The following TENT5D variants were observed in gnomAD, a reference collection of about 807,000 sequenced individuals.
The protein encoded by TENT5D is cancer/testis antigen 112.
For synonymous variants in TENT5D, 103 were observed against 100.6 expected, an observed-to-expected ratio of 1.02 and a Z score of -0.15; for missense variants, 191 against 287.0, an observed-to-expected ratio of 0.67 and a Z score of 2.42.
intron 3 of TENT5D, among the ~76,000 whole-genome samples, chrX:80,367,670 A>G (rs1416615839): frequency 2.7e-5 from 3 of 111,967 alleles, no homozygotes; most frequent in African/African-American, 9.7e-5. Flanking sequence ...CAAAAAAAGA[A>G]TGAGATCCTG....
chrX:80,412,046 A>G (rs949552304), intron 3 of TENT5D, among the ~76,000 whole-genome samples: 3 of 112,519 alleles, frequency 2.7e-5, no homozygotes, highest in Non-Finnish European at 5.6e-5. Context: ...AGGCATTTCC[A>G]TACATCTTCT....
intron 3 of TENT5D, among the ~76,000 whole-genome samples, chrX:80,370,770 A>G (rs745566243): frequency 1.6e-4 from 18 of 111,706 alleles, no homozygotes; most frequent in African/African-American, 5.5e-4. Flanking sequence ...ATTGATAGAC[A>G]TTGGCAATAA....
At chrX:80,407,494 G>C (rs1460053064) in intron 3 of TENT5D, among the ~76,000 whole-genome samples, 1 of 108,125 alleles carries the variant, frequency 9.2e-6, no homozygotes, top group Non-Finnish European at 1.9e-5. Flanking sequence ...AAAATCAAAA[G>C]AGACAAAGAA....
intron 3 of TENT5D, among the ~76,000 whole-genome samples, chrX:80,370,425 T>G (rs1301878670): frequency 8.9e-6 from 1 of 112,167 alleles, no homozygotes; most frequent in Non-Finnish European, 1.9e-5. Context: ...GAAAAAGTCT[T>G]TAAAAATCAC....
At chrX:80,437,510 C>T (rs1408565475) in intron 1 of TENT5D, among the ~76,000 whole-genome samples, 1 of 111,246 alleles carries the variant, frequency 9.0e-6, no homozygotes, top group East Asian at 2.8e-4. Context: ...GGGTATTCTA[C>T]GATCTTATTG....
At chrX:80,432,804 G>A (rs1017051083) in intron 1 of TENT5D, among the ~76,000 whole-genome samples, 7 of 110,857 alleles carry the variant, frequency 6.3e-5, no homozygotes, top group Non-Finnish European at 1.3e-4. Flanking sequence ...GCAGAGAGGG[G>A]TGCCCAAATT....
At chrX:80,406,992 GC>G (rs1931513127) in intron 3 of TENT5D, among the ~76,000 whole-genome samples, 1 of 105,878 alleles carries the variant, frequency 9.4e-6, no homozygotes, top group Non-Finnish European at 1.9e-5. Context: ...TTCATATCCA[GC>G]CAAACTAAGC....
chrX:80,422,604 A>G (rs1158101804), intron 1 of TENT5D, among the ~76,000 whole-genome samples: 1 of 111,552 alleles, frequency 9.0e-6, no homozygotes, highest in Non-Finnish European at 1.9e-5. Context: ...GATGGGTTTG[A>G]GGAGAGCAGC....
chrX:80,423,517 G>A (rs1931927938), intron 1 of TENT5D, among the ~76,000 whole-genome samples: 1 of 110,385 alleles, frequency 9.1e-6, no homozygotes, highest in South Asian at 3.9e-4. Context: ...TTTGAGGAAA[G>A]TGTGATTTAG....
chrX:80,417,957 A>T (rs1196459400), upstream of TENT5D, among the ~76,000 whole-genome samples: 1 of 110,573 alleles, frequency 9.0e-6, no homozygotes, highest in Non-Finnish European at 1.9e-5. Flanking sequence ...TCAGGTGTAG[A>T]CTTGGTCGCT....
intron 3 of TENT5D, among the ~76,000 whole-genome samples, chrX:80,400,689 G>A (rs1351069995): frequency 8.9e-6 from 1 of 111,785 alleles, no homozygotes; most frequent in African/African-American, 3.3e-5. Flanking sequence ...TGGATTTGAT[G>A]TTAGGGATTT....
chrX:80,396,418 C>T (rs777225778), intron 3 of TENT5D, among the ~76,000 whole-genome samples: 5 of 109,843 alleles, frequency 4.6e-5, no homozygotes, highest in African/African-American at 6.7e-5. Context: ...GAGGACCCTG[C>T]GGCCTTCCAC....
chrX:80,443,646 AC>A lies in TENT5D; in HGVS notation c.1113del (p.Val372LeufsTer17). ...ACCCTATTTATGTAATACCTGAGCC[AC>A]CCCCCGTTAGCTTCCAGCCATACCA... On this transcript the variant is annotated frameshift_variant, in exon 3 of 3. Coordinates refer to ENST00000308293, the Ensembl canonical transcript of TENT5D. LOFTEE classifies it low-confidence loss of function (END_TRUNC). The A allele has an allele frequency of 8.3e-7, 1 of 1,201,457 alleles. No homozygotes were observed. The highest frequency in any genetic ancestry group is 1.1e-6 in the Non-Finnish European group (1 of 889,702).
chrX:80,396,140 A>G (rs942861922), intron 3 of TENT5D, among the ~76,000 whole-genome samples: 3 of 111,170 alleles, frequency 2.7e-5, no homozygotes, highest in Admixed American at 1.9e-4. Context: ...TGTGAATAGT[A>G]CCACTGGGAA....
chrX:80,385,017 A>T (rs1206817077), intron 3 of TENT5D, among the ~76,000 whole-genome samples: 2 of 111,616 alleles, frequency 1.8e-5, no homozygotes, highest in African/African-American at 6.5e-5. Context: ...TATACATTCA[A>T]TGCCATCCCC....
exon 3 of TENT5D, chrX:80,442,692 C>G: frequency 8.3e-7 from 1 of 1,210,917 alleles, no homozygotes; most frequent in Non-Finnish European, 1.1e-6. Context: ...AAGATCAACT[C>G]ATAGGGCAAG....
chrX:80,417,401 T>TCTGTGTG (rs1931798389), upstream of TENT5D, among the ~76,000 whole-genome samples: 1 of 110,452 alleles, frequency 9.1e-6, no homozygotes, highest in African/African-American at 3.3e-5. Context: ...GTATCAGTCA[T>TCTGTGTG]CTGTGTGCTT....
chrX:80,404,475 CAG>C (rs1272061846), intron 3 of TENT5D, among the ~76,000 whole-genome samples: 1 of 111,656 alleles, frequency 9.0e-6, no homozygotes, highest in African/African-American at 3.3e-5. Context: ...TTATCTGACA[CAG>C]GGGCCCGCAT....
chrX:80,356,316 T>C (rs1463800367), intron 3 of TENT5D, among the ~76,000 whole-genome samples: 1 of 111,920 alleles, frequency 8.9e-6, no homozygotes, highest in Non-Finnish European at 1.9e-5. Flanking sequence ...CTATTCAATA[T>C]AAATAACAGA....
Sources: gnomAD v4.1 joint callset for allele counts (sites outside exome capture counted in the v4.1 genomes callset) on GRCh38, gnomAD v4.1.1 for gene constraint, MANE v1.5 for transcripts, NCBI Gene and HGNC (gene_info 2026-07-23, HGNC 2026-07-21) for gene names.